SS18: variants seen among roughly 807,000 people sequenced by gnomAD.
SS18 encodes protein SSXT.
In SS18, 28 loss-of-function variants were observed where a neutral mutation model predicts 72.5. That is an observed-to-expected ratio of 0.39 (90% CI 0.29 to 0.53). The LOEUF is 0.53. Among genes scored for constraint, SS18 ranks in the 20% least tolerant of loss-of-function variants. The pLI is 0.76. For missense variants in SS18, 518 were observed against 535.3 expected, an observed-to-expected ratio of 0.97 and a Z score of 0.32; for synonymous variants, 172 against 164.2, an observed-to-expected ratio of 1.05 and a Z score of -0.37.
intron 3 of SS18, among the ~76,000 whole-genome samples, chr18:26,059,219 T>C (rs2054077304): frequency 6.6e-6 from 1 of 152,114 alleles, no homozygotes; most frequent in African/African-American, 2.4e-5. Flanking sequence ...AAAGAGTGAC[T>C]TACACAAAGA....
chr18:26,090,352 G>C, intron 1 of SS18, 149 bp downstream of exon 1: 1 of 751,384 alleles, frequency 1.3e-6, no homozygotes, highest in Admixed American at 2.6e-5. Context: ...CTCAGGCACA[G>C]CCAGCAGTCC....
At chr18:26,040,917 C>T (rs959389214) in intron 5 of SS18, among the ~76,000 whole-genome samples, 12 of 152,156 alleles carry the variant, frequency 7.9e-5, no homozygotes, top group African/African-American at 2.9e-4. Flanking sequence ...CCCTACAACA[C>T]TGCCAGTTAC....
At chr18:26,055,146 A>T (rs1349490104) in intron 4 of SS18, among the ~76,000 whole-genome samples, 1 of 151,972 alleles carries the variant, frequency 6.6e-6, no homozygotes, top group Non-Finnish European at 1.5e-5. Context: ...TCCCATAGGC[A>T]TGTATTACCT....
intron 2 of SS18, among the ~76,000 whole-genome samples, chr18:26,080,058 A>G (rs977596922): frequency 2.0e-5 from 3 of 152,184 alleles, no homozygotes; most frequent in African/African-American, 7.2e-5. Flanking sequence ...TATGTTGCCC[A>G]ATGAGACATG....
intron 9 of SS18, among the ~76,000 whole-genome samples, chr18:26,034,701 G>C (rs2143851818): frequency 6.6e-6 from 1 of 152,038 alleles, no homozygotes; most frequent in African/African-American, 2.4e-5. Flanking sequence ...CCAATCATCA[G>C]TTTTCCCAGC....
intron 3 of SS18, among the ~76,000 whole-genome samples, chr18:26,077,868 T>C (rs1365841527): frequency 6.6e-6 from 1 of 152,156 alleles, no homozygotes; most frequent in Non-Finnish European, 1.5e-5. Flanking sequence ...TAAACGAATA[T>C]AACCTTCTCA....
intron 9 of SS18, among the ~76,000 whole-genome samples, chr18:26,034,038 A>G (rs2143847475): frequency 6.6e-6 from 1 of 152,324 alleles, no homozygotes; most frequent in East Asian, 1.9e-4. Flanking sequence ...GAATATTTCT[A>G]AAGTCACATC....
chr18:26,082,570 T>C, intron 2 of SS18: 1 of 935,314 alleles, frequency 1.1e-6, no homozygotes, highest in Non-Finnish European at 1.3e-6. Context: ...CAAACATAGG[T>C]TGATTTAGAA....
At chr18:26,050,526 T>A (rs1307760768) in intron 5 of SS18, among the ~76,000 whole-genome samples, 1 of 152,108 alleles carries the variant, frequency 6.6e-6, no homozygotes, top group South Asian at 2.1e-4. Context: ...CATGAACTTC[T>A]TTATTAAAAG....
At chr18:26,046,666 A>G (rs1457226577) in intron 5 of SS18, among the ~76,000 whole-genome samples, 1 of 152,172 alleles carries the variant, frequency 6.6e-6, no homozygotes, top group Non-Finnish European at 1.5e-5. Flanking sequence ...TTTCATTTCT[A>G]GCATTATCAT....
upstream of SS18, chr18:26,090,809 T>C: frequency 1.7e-6 from 1 of 576,324 alleles, no homozygotes; most frequent in South Asian, 2.1e-5. Context: ...CGTCCCTGCA[T>C]CCCCCGAGCT....
intron 10 of SS18, among the ~76,000 whole-genome samples, chr18:26,028,242 T>A (rs552383976): frequency 6.6e-6 from 1 of 152,154 alleles, no homozygotes; most frequent in Non-Finnish European, 1.5e-5. Context: ...ATTAAAGTCA[T>A]GAAGTGTTAT....
intron 10 of SS18, among the ~76,000 whole-genome samples, chr18:26,029,785 C>T (rs753157224): frequency 2.0e-5 from 3 of 152,106 alleles, no homozygotes; most frequent in Non-Finnish European, 4.4e-5. Context: ...TTTCCATTGC[C>T]TCAACCATCA....
At chr18:26,043,337 A>T in intron 5 of SS18, among the ~76,000 whole-genome samples, 1 of 152,280 alleles carries the variant, frequency 6.6e-6, no homozygotes, top group Non-Finnish European at 1.5e-5. Flanking sequence ...TCACTGTAAT[A>T]TAAAAACCTT....
chr18:26,058,174 C>T (rs747105610), intron 3 of SS18, among the ~76,000 whole-genome samples: 1 of 152,070 alleles, frequency 6.6e-6, no homozygotes, highest in East Asian at 1.9e-4. Flanking sequence ...TACACTATTT[C>T]GGGGTGGAGG....
chr18:26,066,610 A>G (rs931151800), intron 3 of SS18, among the ~76,000 whole-genome samples: 6 of 151,610 alleles, frequency 4.0e-5, no homozygotes, highest in African/African-American at 1.5e-4. Context: ...GCACACACAC[A>G]CACACACACA....
chr18:26,038,156 T>A (rs2053656891), intron 7 of SS18, among the ~76,000 whole-genome samples: 1 of 152,142 alleles, frequency 6.6e-6, no homozygotes, highest in Non-Finnish European at 1.5e-5. Context: ...AACTATATAC[T>A]CTATGTATTT....
chr18:26,078,001 T>C (rs1243734862), intron 3 of SS18, 75 bp downstream of exon 3: 1 of 1,081,482 alleles, frequency 9.2e-7, no homozygotes, highest in Admixed American at 2.1e-5. Flanking sequence ...AACTTAAAAA[T>C]CATTCAACAA....
At chr18:26,039,158 T>C (rs1466710266) in intron 6 of SS18, 131 bp downstream of exon 6, 2 of 737,814 alleles carry the variant, frequency 2.7e-6, no homozygotes, top group Non-Finnish European at 3.9e-6. Context: ...ACTAGAACCC[T>C]ACCTTTTGTC....
Sources: allele counts gnomAD v4.1 joint callset (sites outside exome capture counted in the v4.1 genomes callset), GRCh38; gene constraint gnomAD v4.1.1; transcripts MANE v1.5; gene names NCBI Gene and HGNC (gene_info 2026-07-23, HGNC 2026-07-21).